Variants in PTPDC1 observed in about 807,000 individuals in gnomAD.
The protein encoded by PTPDC1 is protein tyrosine phosphatase domain-containing protein 1.
PTPDC1 carries 53 observed loss-of-function variants against 75.3 expected under a neutral mutation model. That is an observed-to-expected ratio of 0.70 (90% confidence interval 0.56 to 0.88). PTPDC1 has a LOEUF of 0.88. Ranked by LOEUF, PTPDC1 falls within the 40% of genes least tolerant of loss-of-function variation. The probability of loss-of-function intolerance (pLI) is 0.00; values close to 1 mark genes in which losing one functional copy is unlikely to be tolerated. For synonymous variants in PTPDC1, 349 were observed against 366.2 expected (o/e 0.95, Z 0.54); for missense variants, 925 against 998.6 (o/e 0.93, Z 0.99).
In PTPDC1 at chr9:94,092,550, T is replaced by G. The variant is rs1009478737; in HGVS notation, c.617-2767T>G. On this transcript the variant is annotated intron_variant, in intron 4 of 8. Coordinates refer to ENST00000620992, the MANE Select transcript of PTPDC1 (RefSeq NM_001253829.2). ...AGGTGTGGTGTGGTGCTGAAAAAAA[T>G]GTATATTCTGTTGATATGGGGTGGA... is the stretch of plus-strand genomic sequence containing the variant. Among the ~76,000 whole-genome samples, 43 of 151,686 alleles carry G rather than the reference T, an allele frequency of 2.8e-4. 1 individual carries two copies. The highest frequency in any genetic ancestry group is 1.0e-3 in the African/African-American group (42 of 41,228).
chr9:94,047,190 GA>G (rs1250052225), intron 1 of PTPDC1, among the ~76,000 whole-genome samples: 7 of 152,188 alleles, frequency 4.6e-5, no homozygotes, highest in African/African-American at 1.7e-4. Context: ...TCCCAGGGAT[GA>G]AGCCCACTTG....
At chr9:94,033,166 G>C (rs956935724) in intron 1 of PTPDC1, among the ~76,000 whole-genome samples, 1 of 151,986 alleles carries the variant, frequency 6.6e-6, no homozygotes, top group African/African-American at 2.4e-5. Flanking sequence ...CAGCCTGCAC[G>C]TCCTTTTTCA....
intron 1 of PTPDC1, among the ~76,000 whole-genome samples, chr9:94,063,087 C>G (rs900733726): frequency 3.3e-5 from 5 of 152,060 alleles, no homozygotes; most frequent in African/African-American, 1.2e-4. Flanking sequence ...GAAAGCTTCA[C>G]AAAAAAAGTG....
intron 1 of PTPDC1, among the ~76,000 whole-genome samples, chr9:94,036,666 C>T (rs1371856305): frequency 6.6e-6 from 1 of 152,184 alleles, no homozygotes; most frequent in South Asian, 2.1e-4. Flanking sequence ...AGAATACTTC[C>T]TCTCTGTTCT....
chr9:94,058,909 T>TAGCA (rs1826041188), intron 1 of PTPDC1, among the ~76,000 whole-genome samples: 2 of 150,510 alleles, frequency 1.3e-5, no homozygotes, highest in Non-Finnish European at 3.0e-5. Context: ...CAGAATCACT[T>TAGCA]GAACCCAGGA....
chr9:94,084,666 G>A lies in PTPDC1; in HGVS notation c.136G>A (p.Gly46Ser), dbSNP rs752526834. The A allele has an allele frequency of 8.1e-6, 13 of 1,613,522 alleles. No homozygotes were observed. Among genetic ancestry groups the A allele is most frequent in the Admixed American group, 1.7e-5 (1 of 59,966 alleles). The change falls in exon 1 of 9, where the codon GGC becomes AGC. Residue 46 changes from glycine to serine, a missense_variant. Gly to Ser is a moderately conservative substitution (Grantham distance 56). Coordinates refer to ENST00000620992, the MANE Select transcript of PTPDC1 (RefSeq NM_001253829.2). ...CCGGCGGGGCTCTGGCTTGGGCTCCGGCTCTGCCACGAAGCTGCTGTCCTC... is the reference window on the plus strand; with the variant it reads ...CCGGCGGGGCTCTGGCTTGGGCTCCAGCTCTGCCACGAAGCTGCTGTCCTC... The part of the protein sequence containing the change: ...QARRGSGLGS[G>S]SATKLLSSSS...
intron 7 of PTPDC1, among the ~76,000 whole-genome samples, chr9:94,103,702 A>G (rs921610919): frequency 6.6e-6 from 1 of 152,190 alleles, no homozygotes; most frequent in Admixed American, 6.5e-5. Context: ...TTCTTTGCTA[A>G]GGTAAACAGC....
intron 6 of PTPDC1, among the ~76,000 whole-genome samples, chr9:94,099,509 T>C (rs1564036491): frequency 6.6e-6 from 1 of 152,232 alleles, no homozygotes; most frequent in Admixed American, 6.5e-5. Flanking sequence ...TGCAGAGGCA[T>C]GAAAATTAAG....
intron 8 of PTPDC1, among the ~76,000 whole-genome samples, chr9:94,105,739 T>C (rs1587917397): frequency 6.8e-6 from 1 of 147,554 alleles, no homozygotes; most frequent in African/African-American, 2.5e-5. Context: ...GAGGCCAAGG[T>C]GGGCAGATCA....
intron 1 of PTPDC1, among the ~76,000 whole-genome samples, chr9:94,044,464 C>T (rs148509508): frequency 5.9e-5 from 9 of 152,150 alleles, no homozygotes; most frequent in Non-Finnish European, 8.8e-5. Flanking sequence ...CCCCGACCCC[C>T]CAACAGGCCC....
chr9:94,104,062 C>A (rs1166396443), intron 7 of PTPDC1, among the ~76,000 whole-genome samples: 2 of 152,202 alleles, frequency 1.3e-5, no homozygotes, highest in Non-Finnish European at 2.9e-5. Flanking sequence ...CAATAGCTAG[C>A]CAGCTTTGAT....
At chr9:94,072,516 G>A (rs1453395499) in intron 2 of PTPDC1, among the ~76,000 whole-genome samples, 2 of 147,926 alleles carry the variant, frequency 1.4e-5, no homozygotes, top group East Asian at 1.9e-4. Flanking sequence ...CAATTCATAT[G>A]CTGTTATTTT....
At chr9:94,095,245 A>AGTCGC in intron 4 of PTPDC1, 72 bp from the exon 5 acceptor site, 1 of 969,404 alleles carries the variant, frequency 1.0e-6, no homozygotes, top group South Asian at 2.1e-5. Context: ...AGATCTGTGT[A>AGTCGC]CTTTTCATTA....
At position 94,098,596 on chromosome 9, in the gene PTPDC1, A is replaced by AT. The variant is rs773204202; in HGVS notation, c.2013+20dup. The AT allele has an allele frequency of 3.2e-6, 5 of 1,574,208 alleles. No individual in the cohort carries two copies. The highest frequency in any genetic ancestry group is 3.5e-6 in the Non-Finnish European group (4 of 1,148,174). ...ATGTGGCAGGTATTATTAGTACTTA[A>AT]TTTAATTATAGATATGTGGGAAATA... On this transcript the variant is annotated intron_variant, in intron 6 of 8. Coordinates refer to ENST00000620992, the MANE Select transcript of PTPDC1 (RefSeq NM_001253829.2).
At chr9:94,083,843 T>G (rs143610632), upstream of PTPDC1, among the ~76,000 whole-genome samples, 67 of 152,362 alleles carry the variant, frequency 4.4e-4, no homozygotes, top group African/African-American at 1.5e-3. Flanking sequence ...AACTAAGAAT[T>G]GGGTTTTTAT....
chr9:94,038,035 T>C, intron 1 of PTPDC1: 1 of 456,134 alleles, frequency 2.2e-6, no homozygotes, highest in East Asian at 4.7e-5. Context: ...TAAATATGGG[T>C]GATGTTGAGA....
chr9:94,098,362 C>A lies in PTPDC1; in HGVS notation c.1796C>A (p.Pro599His). The A allele has an allele frequency of 6.2e-7, 1 of 1,614,164 alleles. No homozygotes were observed. Among genetic ancestry groups the A allele is most frequent in the Non-Finnish European group, 8.5e-7 (1 of 1,180,032 alleles). ...PGSVRQNSRT[P>H]RSPLDCGSSP... Reference sequence around the variant, plus strand: ...TCTGTCAGGCAGAACAGCAGGACACCCCGAAGCCCTCTGGACTGTGGCTCC... The same window carrying A: ...TCTGTCAGGCAGAACAGCAGGACACACCGAAGCCCTCTGGACTGTGGCTCC... The change falls in exon 6 of 9, where the codon CCC becomes CAC. Residue 599 changes from proline (P) to histidine (H), a missense_variant. Pro to His is a moderately conservative substitution (Grantham distance 77). Transcript: ENST00000620992.
upstream of PTPDC1, among the ~76,000 whole-genome samples, chr9:94,084,173 C>T (rs1826980877): frequency 6.6e-6 from 1 of 152,096 alleles, no homozygotes; most frequent in Non-Finnish European, 1.5e-5. Flanking sequence ...GCAGTTTTTG[C>T]ATCAGGAAGA....
At chr9:94,059,234 T>C (rs564370575) in intron 1 of PTPDC1, among the ~76,000 whole-genome samples, 3 of 152,322 alleles carry the variant, frequency 2.0e-5, no homozygotes, top group Admixed American at 6.5e-5. Context: ...GTAATAACAA[T>C]TGTATTTTGT....
Sources: gnomAD v4.1 joint callset for allele counts (sites outside exome capture counted in the v4.1 genomes callset) on GRCh38, gnomAD v4.1.1 for gene constraint, MANE v1.5 for transcripts, NCBI Gene and HGNC (gene_info 2026-07-23, HGNC 2026-07-21) for gene names.